ZSWIM8: variants seen among roughly 807,000 people sequenced by gnomAD.
ZSWIM8 encodes the protein zinc finger SWIM-type containing 8, also known as zinc finger SWIM domain-containing protein 8.
ZSWIM8 carries 27 observed loss-of-function variants against 173.7 expected under a neutral mutation model. The observed-to-expected ratio is 0.16, with a 90% CI of 0.11 to 0.21. The LOEUF is 0.21. Among genes scored for constraint, ZSWIM8 ranks in the 10% least tolerant of loss-of-function variants. The pLI, the probability that ZSWIM8 is intolerant of heterozygous loss-of-function variation, is 1.00. For synonymous variants in ZSWIM8, 958 were observed against 962.0 expected, an observed-to-expected ratio of 1.00 and a Z score of 0.08; for missense variants, 1,627 against 2,428.8, an observed-to-expected ratio of 0.67 and a Z score of 6.94.
Position 73,792,989 on chromosome 10 carries a change from C to G in ZSWIM8, c.2313+137C>G, listed in dbSNP as rs1360813422. 3.8e-6 allele frequency: 4 copies of G among 1,062,876 alleles called. No homozygotes were observed. In the South Asian group the frequency reaches 6.9e-5, roughly 18 times the overall value. The allele number at this position is 1,062,876 out of a possible 1,614,324, so 65.8% of individuals were successfully genotyped here. The stretch of plus-strand genomic sequence containing the variant: ...TGCAGGCGCCGAACTGGTCTCCCTG[C>G]TTTCAGTCTACTCACTTTTCTGCTT... On this transcript the variant is annotated intron_variant, in intron 10 of 25. Transcript: ENST00000604729. The surrounding 1 kb of genome is among the most constrained non-coding windows in gnomAD (Gnocchi z 4.3).
chr10:73,788,595 G>A lies in ZSWIM8; in HGVS notation c.209-75G>A. The A allele has an allele frequency of 7.1e-6, 11 of 1,546,300 alleles. No individual in the cohort carries two copies. In the South Asian group the frequency reaches 1.3e-4, roughly 19 times the overall value. On this transcript the variant is annotated intron_variant, in intron 1 of 25. Transcript: ENST00000604729. ...AGATGAGGCCCAGGATGTTGTACTGGCATGAGTGCCAAGAGACCATGGCCC... is the reference window on the plus strand; with the variant it reads ...AGATGAGGCCCAGGATGTTGTACTGACATGAGTGCCAAGAGACCATGGCCC...
rs66923275 is a variant in ZSWIM8, at chr10:73,799,912, C to CA, written c.4666-91dup. 1.9e-3 allele frequency: 1,942 copies of CA among 1,031,862 alleles called. 25 individuals carry two copies. In the African/African-American group the frequency reaches 0.021, roughly 11 times the overall value. 63.9% of individuals were successfully genotyped at this position (1,031,862 alleles called of 1,614,324 possible). On this transcript the variant is annotated intron_variant, in intron 21 of 25. Transcript: ENST00000604729. ...TGGAGGACAGAGCGAGACTCTATCT[C>CA]AAAAAAAACATGTCAGGATAGCAGC...
chr10:73,786,149 C>G, intron 1 of ZSWIM8, 63 bp downstream of exon 1: 1 of 1,429,584 alleles, frequency 7.0e-7, no homozygotes, highest in Non-Finnish European at 9.2e-7. Context: ...CGGGAGCTGT[C>G]CGGGACCAGG....
chr10:73,789,198 G>T lies in ZSWIM8; in HGVS notation c.457+8G>T. The T allele has an allele frequency of 6.2e-7, 1 of 1,613,846 alleles. No individual in the cohort carries two copies. The highest frequency in any genetic ancestry group is 8.5e-7 in the Non-Finnish European group (1 of 1,179,772). On this transcript the variant is annotated splice_region_variant and intron_variant, in intron 3 of 25. Transcript: ENST00000604729. This position sits in a 1 kb window ranked among gnomAD's most constrained non-coding sequence, Gnocchi z 6.8. ...AGGACCCATTGCAGATAGGTGAGTG[G>T]GCCATCATGCCATGTGGCACATCCT... is the stretch of plus-strand genomic sequence containing the variant.
chr10:73,795,397 G>T, intron 14 of ZSWIM8, 142 bp from the exon 15 acceptor site: 1 of 1,312,102 alleles, frequency 7.6e-7, no homozygotes, highest in Non-Finnish European at 1.0e-6. Context: ...AATAGTCAAC[G>T]AAGACTTCTA....
In ZSWIM8 at chr10:73,799,079, G is replaced by A; in HGVS notation, c.4254G>A (p.Leu1418=). 1.2e-6 allele frequency: 2 copies of A among 1,613,930 alleles called. No homozygotes were observed. Among genetic ancestry groups the A allele is most frequent in the Non-Finnish European group, 8.5e-7 (1 of 1,179,850 alleles). ...AKGGGVYPEV[L]FEVAHQWFWL... ...GTGGGGGCGTGTACCCTGAAGTGTT[G>A]TTTGAGGTTGCTCACCAGTGGTTCT... is the stretch of plus-strand genomic sequence containing the variant. The change falls in exon 21 of 26, where the codon TTG becomes TTA. Residue 1418 remains leucine, a synonymous_variant. Transcript: ENST00000604729.
chr10:73,789,915 C>G lies in ZSWIM8; in HGVS notation c.739-41C>G. On this transcript the variant is annotated intron_variant, in intron 5 of 25. Coordinates refer to ENST00000604729, the MANE Select transcript of ZSWIM8 (RefSeq NM_001367799.1). This position sits in a 1 kb window ranked among gnomAD's most constrained non-coding sequence, Gnocchi z 6.8. ...TAGGCCCAGGCCTCCATGGGTTCAC[C>G]TAGGCCGTGTTCTGCCTGCCTCCGT... The G allele has an allele frequency of 3.1e-6, 5 of 1,600,118 alleles. No individual in the cohort carries two copies. Among genetic ancestry groups the G allele is most frequent in the Non-Finnish European group, 4.3e-6 (5 of 1,172,290 alleles).
chr10:73,792,325 A>C lies in ZSWIM8; in HGVS notation c.1786A>C (p.Lys596Gln), dbSNP rs761070970. ...KALGGAGSGS[K>Q]GSAGGGSKRR... ...ACTGGGTGGGGCTGGCAGTGGGAGC[A>C]AGGGCTCAGCAGGTGGCGGAAGCAA... The change falls in exon 10 of 26, where the codon AAG becomes CAG. Residue 596 changes from lysine (K) to glutamine (Q), a missense_variant. Coordinates refer to ENST00000604729, the MANE Select transcript of ZSWIM8 (RefSeq NM_001367799.1). This position sits in a 1 kb window ranked among gnomAD's most constrained non-coding sequence, Gnocchi z 4.3. The C allele has an allele frequency of 1.2e-6, 2 of 1,612,960 alleles. No homozygotes were observed. The highest frequency in any genetic ancestry group is 4.5e-5 in the East Asian group (2 of 44,832).
intron 10 of ZSWIM8, among the ~76,000 whole-genome samples, chr10:73,793,157 G>A (rs1194590458): frequency 6.6e-6 from 1 of 152,182 alleles, no homozygotes; most frequent in Non-Finnish European, 1.5e-5. Flanking sequence ...TGCTTTGCCA[G>A]CCTCACTTGG....
At chr10:73,790,390 C>G (rs1039310778) in intron 7 of ZSWIM8, 98 bp downstream of exon 7, 2 of 1,487,020 alleles carry the variant, frequency 1.3e-6, no homozygotes, top group African/African-American at 2.8e-5. Context: ...GTGACCCCTA[C>G]CTTTTATTCC....
At chr10:73,788,544 C>A in intron 1 of ZSWIM8, 126 bp from the exon 2 acceptor site, 1 of 1,197,426 alleles carries the variant, frequency 8.4e-7, no homozygotes, top group Non-Finnish European at 1.1e-6. Context: ...GACTTTCATC[C>A]AGGTCTCTTC....
intron 20 of ZSWIM8, 47 bp from the exon 21 acceptor site, chr10:73,798,955 G>T: frequency 6.4e-7 from 1 of 1,554,640 alleles, no homozygotes; most frequent in Non-Finnish European, 8.7e-7. Context: ...CACCTTCCAT[G>T]TGGTAAAGGC....
chr10:73,800,925 G>A lies in ZSWIM8; in HGVS notation c.5123-92G>A, dbSNP rs2083925626. 5.2e-6 allele frequency: 7 copies of A among 1,350,924 alleles called. 1 individual carries two copies. The Admixed American group carries it at 1.6e-4, about 30-fold the overall frequency. The allele number at this position is 1,350,924 out of a possible 1,614,324, so 83.7% of individuals were successfully genotyped here. A position where few individuals can be genotyped will look rare whatever the true frequency, so the allele number is the denominator to read the frequency against. ...ACCTCAGCTCCTGGGGTGGAGGGAG[G>A]CTCTCTGCCAGGCCAGAGCTGAGAT... On this transcript the variant is annotated intron_variant, in intron 24 of 25. Coordinates refer to ENST00000604729, the MANE Select transcript of ZSWIM8 (RefSeq NM_001367799.1). This position sits in a 1 kb window ranked among gnomAD's most constrained non-coding sequence, Gnocchi z 4.1.
rs750413875 is a variant in ZSWIM8 at position 73,799,333 on chromosome 10, G to T, written c.4508G>T (p.Gly1503Val). ...GSSLYPGPGL[G>V]HGHSPGLHPY... The stretch of plus-strand genomic sequence containing the variant: ...AGTTTATACCCGGGTCCAGGACTGG[G>T]GCATGGCCACTCCCCTGGCCTGCAC... The change falls in exon 21 of 26, where the codon GGG (glycine) becomes GTG (valine). Residue 1503 changes from glycine (G) to valine (V), a missense_variant. By Grantham distance (109) the Gly-to-Val change is moderately radical. Transcript: ENST00000604729. The T allele has an allele frequency of 2.2e-5, 35 of 1,609,970 alleles. No homozygotes were observed. The highest frequency in any genetic ancestry group is 2.8e-5 in the Non-Finnish European group (33 of 1,178,404).
intron 1 of ZSWIM8, among the ~76,000 whole-genome samples, chr10:73,788,176 G>A (rs868810168): frequency 2.0e-5 from 3 of 151,694 alleles, no homozygotes; most frequent in African/African-American, 4.8e-5. Context: ...GATCCCTTCC[G>A]GGCTCTGGTC....
At position 73,797,931 on chromosome 10, in the gene ZSWIM8, C is replaced by T. The variant is rs1042720001; in HGVS notation, c.3813C>T (p.Ser1271=). 8.1e-6 allele frequency: 13 copies of T among 1,613,918 alleles called. No homozygotes were observed. In the African/African-American group the frequency reaches 1.1e-4, roughly 13 times the overall value. ...CTTCCATTTTCACACATCCATCTTC[C>T]TCAGGGGGCCACCAGGGTCCTCACC... ...SSTSIFTHPS[S]SGGHQGPHRN... Residue 1271 remains serine (S), a synonymous_variant, in exon 19 of 26, where the codon TCC becomes TCT. Coordinates refer to ENST00000604729, the MANE Select transcript of ZSWIM8 (RefSeq NM_001367799.1). This position sits in a 1 kb window ranked among gnomAD's most constrained non-coding sequence, Gnocchi z 5.6.
Position 73,785,649 on chromosome 10 carries a change from T to C in ZSWIM8, c.-230T>C, listed in dbSNP as rs1245320748. 3.3e-6 allele frequency: 2 copies of C among 607,436 alleles called. No individual in the cohort carries two copies. The highest frequency in any genetic ancestry group is 6.2e-6 in the Non-Finnish European group (2 of 322,450). The allele number at this position is 607,436 out of a possible 1,614,324, so 37.6% of individuals were successfully genotyped here. On this transcript the variant is annotated 5_prime_UTR_variant, in exon 1 of 26. Coordinates refer to ENST00000604729, the MANE Select transcript of ZSWIM8 (RefSeq NM_001367799.1). ...GCCGCCGAGCGCTTCGTCCCGGCCC[T>C]AAGTCTCGGAGACTGGCCAAGATCA...
chr10:73,789,596 G>C lies in ZSWIM8; in HGVS notation c.630+57G>C. 1 of 1,581,084 alleles carries C rather than the reference G, an allele frequency of 6.3e-7. No homozygotes were observed. Among genetic ancestry groups the C allele is most frequent in the Non-Finnish European group, 8.6e-7 (1 of 1,162,894 alleles). ...CCTACACTCCATCCCCCCCTTCTCT[G>C]CTGCATGCCTGGCTACAATGTGAGC... On this transcript the variant is annotated intron_variant, in intron 4 of 25. Transcript: ENST00000604729. This position sits in a 1 kb window ranked among gnomAD's most constrained non-coding sequence, Gnocchi z 6.8.
chr10:73,799,258 C>T lies in ZSWIM8; in HGVS notation c.4433C>T (p.Ala1478Val). The change falls in exon 21 of 26, where the codon GCA (alanine) becomes GTA (valine). Residue 1478 changes from alanine to valine, a missense_variant. Coordinates refer to ENST00000604729, the MANE Select transcript of ZSWIM8 (RefSeq NM_001367799.1). ...PGTEPVTVAAAAVTAAATVVP... is the reference protein window; with the variant it reads ...PGTEPVTVAAVAVTAAATVVP... ...ACTGAGCCGGTTACAGTGGCAGCGG[C>T]AGCAGTGACAGCAGCAGCCACAGTG... 1.3e-6 allele frequency: 2 copies of T among 1,597,606 alleles called. No individual in the cohort carries two copies. Among genetic ancestry groups the T allele is most frequent in the South Asian group, 2.2e-5 (2 of 89,146 alleles).
Sources: gnomAD v4.1 joint callset for allele counts (sites outside exome capture counted in the v4.1 genomes callset) on GRCh38, gnomAD v4.1.1 for gene constraint, Gnocchi (gnomAD v3.1) non-coding constraint, MANE v1.5 for transcripts, NCBI Gene and HGNC (gene_info 2026-07-23, HGNC 2026-07-21) for gene names.